DIDO1: variants seen among roughly 807,000 people sequenced by gnomAD.
The protein encoded by DIDO1 is death inducer-obliterator 1.
In DIDO1, 16 loss-of-function variants were observed where a neutral mutation model predicts 99.4. The observed-to-expected ratio is 0.16, with a 90% CI of 0.11 to 0.24. The LOEUF is 0.24. DIDO1 is among the 10% of genes least tolerant of loss of function. The probability of loss-of-function intolerance (pLI) is 1.00; values close to 1 mark genes in which losing one functional copy is unlikely to be tolerated. For synonymous variants in DIDO1, 1,366 were observed against 1,239.1 expected (o/e 1.10, Z -2.15); for missense variants, 2,996 against 3,014.0 (o/e 0.99, Z 0.14).
chr20:62,931,919 G>A (rs1228824561), intron 1 of DIDO1, among the ~76,000 whole-genome samples: 3 of 152,198 alleles, frequency 2.0e-5, no homozygotes, highest in South Asian at 4.1e-4. Context: ...ATTAATTCCT[G>A]CTCTTGCTTA....
At chr20:62,902,525 A>G (rs1361100857) in intron 6 of DIDO1, among the ~76,000 whole-genome samples, 1 of 152,188 alleles carries the variant, frequency 6.6e-6, no homozygotes, top group Non-Finnish European at 1.5e-5. Context: ...TCCCGGCTTT[A>G]AATTCCTGCA....
At chr20:62,924,184 A>C (rs2065210297) in intron 1 of DIDO1, among the ~76,000 whole-genome samples, 1 of 152,240 alleles carries the variant, frequency 6.6e-6, no homozygotes, top group African/African-American at 2.4e-5. Flanking sequence ...GGCTGATCTT[A>C]GTATCCACTG....
At position 62,909,867 on chromosome 20, in the gene DIDO1, T is replaced by G; in HGVS notation, c.993A>C (p.Glu331Asp). ...ATTTAGCTTCCTGCTGATCTGCCGT[T>G]TCTGAATGAGTCTCATCCTGCACTT... ...ILQVQDETHS[E>D]TADQQEAKWR... Residue 331 changes from glutamate (E) to aspartate (D), a missense_variant, in exon 4 of 16, where the codon GAA becomes GAC. Coordinates refer to ENST00000395343, the MANE Select transcript of DIDO1 (RefSeq NM_001193369.2). 1.2e-6 allele frequency: 2 copies of G among 1,614,190 alleles called. No homozygotes were observed. Among genetic ancestry groups the G allele is most frequent in the Non-Finnish European group, 1.7e-6 (2 of 1,180,022 alleles).
intron 1 of DIDO1, among the ~76,000 whole-genome samples, chr20:62,934,796 T>G (rs2065365600): frequency 6.6e-6 from 1 of 152,228 alleles, no homozygotes; most frequent in Non-Finnish European, 1.5e-5. Context: ...GCCTGGAAAC[T>G]GCTAACATAG....
chr20:62,932,270 A>C (rs1408769463), intron 1 of DIDO1, among the ~76,000 whole-genome samples: 2 of 152,216 alleles, frequency 1.3e-5, no homozygotes, highest in Non-Finnish European at 2.9e-5. Context: ...AGGAGAGAGG[A>C]TCACTTGAGC....
At chr20:62,901,102 G>A (rs8125960) in intron 6 of DIDO1, among the ~76,000 whole-genome samples, 128 of 152,316 alleles carry the variant, frequency 8.4e-4, no homozygotes, top group African/African-American at 2.9e-3. Flanking sequence ...CCTTTTATAA[G>A]TAGTTACTAG....
intron 15 of DIDO1, among the ~76,000 whole-genome samples, chr20:62,882,835 T>TTGTC (rs2064235055): frequency 6.6e-6 from 1 of 151,946 alleles, no homozygotes; most frequent in Non-Finnish European, 1.5e-5. Context: ...GAAAAGGGCA[T>TTGTC]TGTCGCACAT....
intron 2 of DIDO1, among the ~76,000 whole-genome samples, chr20:62,912,587 G>A (rs940266274): frequency 6.6e-6 from 1 of 151,956 alleles, no homozygotes; most frequent in African/African-American, 2.4e-5. Flanking sequence ...TTGTTGAAAT[G>A]ACAAAAATCT....
chr20:62,927,646 T>A (rs560045768), upstream of DIDO1, among the ~76,000 whole-genome samples: 1 of 152,274 alleles, frequency 6.6e-6, no homozygotes, highest in African/African-American at 2.4e-5. Flanking sequence ...GGGCCCAGAG[T>A]GCCGTAAAGC....
chr20:62,910,000 C>A lies in DIDO1; in HGVS notation c.860G>T (p.Arg287Leu), dbSNP rs752746388. 6.2e-7 allele frequency: 1 copy of A among 1,608,914 alleles called. No individual in the cohort carries two copies. Among genetic ancestry groups the A allele is most frequent in the South Asian group, 1.1e-5 (1 of 91,064 alleles). ...ATCGCCATGAAACCATTCTTCACAG[C>A]GGTCACAGCAAATCATAAACCTGAA... is the stretch of plus-strand genomic sequence containing the variant. ...HNNRFMICCD[R>L]CEEWFHGDCV... The change falls in exon 4 of 16, where the codon CGC becomes CTC. Residue 287 changes from arginine to leucine, a missense_variant. Coordinates refer to ENST00000395343, the MANE Select transcript of DIDO1 (RefSeq NM_001193369.2).
chr20:62,889,448 T>G (rs2064355182), intron 15 of DIDO1: 1 of 985,312 alleles, frequency 1.0e-6, no homozygotes, highest in African/African-American at 1.7e-5. Flanking sequence ...TCGCCTCAAT[T>G]GTTTTAAAAA....
intron 1 of DIDO1, among the ~76,000 whole-genome samples, chr20:62,924,308 A>G (rs572581319): frequency 3.3e-5 from 5 of 152,334 alleles, no homozygotes; most frequent in Admixed American, 2.0e-4. Context: ...GCAAGGGCAC[A>G]GTGCAGGGAC....
chr20:62,896,249 T>C lies in DIDO1; in HGVS notation c.2198A>G (p.Lys733Arg). 2.5e-6 allele frequency: 4 copies of C among 1,613,628 alleles called. No individual in the cohort carries two copies. The highest frequency in any genetic ancestry group is 3.4e-6 in the Non-Finnish European group (4 of 1,179,844). ...GGCACACACCTGATTTTTAGGGTCCTTCAGGTTGAACATGATGCTGCGATA... is the reference window on the plus strand; with the variant it reads ...GGCACACACCTGATTTTTAGGGTCCCTCAGGTTGAACATGATGCTGCGATA... Reference protein sequence around the residue: ...SKYRSIMFNLKDPKNQGLFHR... With the variant: ...SKYRSIMFNLRDPKNQGLFHR... Residue 733 changes from lysine to arginine, a missense_variant, in exon 8 of 16, where the codon AAG becomes AGG. Coordinates refer to ENST00000395343, the MANE Select transcript of DIDO1 (RefSeq NM_001193369.2). This position sits in a 1 kb window ranked among gnomAD's most constrained non-coding sequence, Gnocchi z 4.4.
chr20:62,894,734 T>TA lies in DIDO1; in HGVS notation c.2436+75dup, dbSNP rs2064478619. 1.3e-6 allele frequency: 2 copies of TA among 1,498,912 alleles called. No homozygotes were observed. Among genetic ancestry groups the TA allele is most frequent in the Admixed American group, 3.9e-5 (2 of 51,484 alleles). 92.9% of individuals were successfully genotyped at this position (1,498,912 alleles called of 1,614,324 possible). Reference sequence around the variant, plus strand: ...TGCTGTAAGCTCAGGTCCTGCCCAATAATTTAAGATAACCTCAAAACATTT... The same window carrying TA: ...TGCTGTAAGCTCAGGTCCTGCCCAATAAATTTAAGATAACCTCAAAACATTT... On this transcript the variant is annotated intron_variant, in intron 10 of 15. Coordinates refer to ENST00000395343, the MANE Select transcript of DIDO1 (RefSeq NM_001193369.2). The surrounding 1 kb of genome is among the most constrained non-coding windows in gnomAD (Gnocchi z 4.4).
intron 15 of DIDO1, 38 bp downstream of exon 15, chr20:62,890,922 A>G (rs747848904): frequency 6.2e-7 from 1 of 1,612,360 alleles, no homozygotes; most frequent in African/African-American, 1.3e-5. Context: ...GTGCAGGTGC[A>G]GGTGGGCCTC....
In DIDO1 at chr20:62,879,242, C is replaced by G. The variant is rs771923789; in HGVS notation, c.6714G>C (p.Ser2238=). 1 of 1,526,958 alleles carries G rather than the reference C, an allele frequency of 6.5e-7. No individual in the cohort carries two copies. The highest frequency in any genetic ancestry group is 2.1e-5 in the Admixed American group (1 of 47,372). 94.6% of individuals were successfully genotyped at this position (1,526,958 alleles called of 1,614,324 possible). A position where few individuals can be genotyped will look rare whatever the true frequency, so the allele number is the denominator to read the frequency against. Reference sequence around the variant, plus strand: ...TGCCCGGCCGGGGCGTCTAGGCCTGCGAGGCGGTGCCAGCGTCGGAGGCCC... The same window carrying G: ...TGCCCGGCCGGGGCGTCTAGGCCTGGGAGGCGGTGCCAGCGTCGGAGGCCC... ...ASRASDAGTA[S]QA The change falls in exon 16 of 16, where the codon TCG becomes TCC. Residue 2238 remains serine, a synonymous_variant. Coordinates refer to ENST00000395343, the MANE Select transcript of DIDO1 (RefSeq NM_001193369.2). The surrounding 1 kb of genome is among the most constrained non-coding windows in gnomAD (Gnocchi z 6.3).
intron 1 of DIDO1, 44 bp from the exon 2 acceptor site, chr20:62,914,450 A>G (rs1042327983): frequency 2.0e-5 from 3 of 152,242 alleles, no homozygotes; most frequent in African/African-American, 7.2e-5. Flanking sequence ...TAAGTAAACT[A>G]CGTATCGACA....
chr20:62,888,707 CA>C, intron 15 of DIDO1: 1 of 985,514 alleles, frequency 1.0e-6, no homozygotes, highest in Non-Finnish European at 1.2e-6. Context: ...ACCACAAAGC[CA>C]GGACACACAT....
intron 3 of DIDO1, 35 bp from the exon 4 acceptor site, chr20:62,910,055 C>G: frequency 6.3e-7 from 1 of 1,582,954 alleles, no homozygotes; most frequent in Non-Finnish European, 8.6e-7. Flanking sequence ...AGCAATGGGA[C>G]GTGAGTGACA....
Sources: gnomAD v4.1 joint callset for allele counts (sites outside exome capture counted in the v4.1 genomes callset) on GRCh38, gnomAD v4.1.1 for gene constraint, Gnocchi (gnomAD v3.1) non-coding constraint, MANE v1.5 for transcripts, NCBI Gene and HGNC (gene_info 2026-07-23, HGNC 2026-07-21) for gene names.